POLR1A: variants seen among roughly 807,000 people sequenced by gnomAD.
The protein encoded by POLR1A is RNA polymerase I subunit A.
In POLR1A, 84 loss-of-function variants were observed where a neutral mutation model predicts 205.3. The ratio of observed to expected loss-of-function variants is 0.41; its 90% CI spans 0.34 to 0.49. The LOEUF is 0.49. Ranked by LOEUF, POLR1A falls within the 20% of genes least tolerant of loss-of-function variation. The probability of loss-of-function intolerance (pLI) is 0.22; values close to 1 mark genes in which losing one functional copy is unlikely to be tolerated. For missense variants in POLR1A, 1,645 were observed against 2,204.5 expected (o/e 0.75, Z 5.08); for synonymous variants, 799 against 863.7 (o/e 0.93, Z 1.31).
intron 3 of POLR1A, among the ~76,000 whole-genome samples, chr2:86,090,386 C>CAAAA (rs56810530): frequency 6.3e-5 from 6 of 94,596 alleles, no homozygotes; most frequent in African/African-American, 2.0e-4. Context: ...GACACCATCT[C>CAAAA]AAAAAAAAAA....
rs369593776 is a variant in POLR1A, at chr2:86,089,832, T to G, written c.530A>C (p.Gln177Pro). 1 of 1,601,502 alleles carries G rather than the reference T, an allele frequency of 6.2e-7. No homozygotes were observed. The highest frequency in any genetic ancestry group is 8.6e-7 in the Non-Finnish European group (1 of 1,168,420). Residue 177 changes from glutamine to proline, a missense_variant, in exon 4 of 34, where the codon CAG becomes CCG. By Grantham distance (76) the Gln-to-Pro change is moderately conservative. Around this residue, in one of 16 missense-constraint regions of POLR1A, gnomAD observed 330 missense variants for 375.6 expected, o/e 0.88. Coordinates refer to ENST00000263857, the MANE Select transcript of POLR1A (RefSeq NM_015425.6). Reference protein sequence around the residue: ...EIVQNNLLGSQGAHVKNVCES... With the variant: ...EIVQNNLLGSPGAHVKNVCES... Reference sequence around the variant, plus strand: ...ACAGTGTTAACTCACATGTGCGCCCTGGGACCCCAGGAGGTTGTTCTGCAC... The same window carrying G: ...ACAGTGTTAACTCACATGTGCGCCCGGGGACCCCAGGAGGTTGTTCTGCAC...
chr2:86,104,923 A>T (rs1673893637), intron 1 of POLR1A, among the ~76,000 whole-genome samples: 1 of 152,240 alleles, frequency 6.6e-6, no homozygotes, highest in African/African-American at 2.4e-5. Flanking sequence ...AAGTGGTGAG[A>T]TTGTCTAGGG....
chr2:86,041,588 C>T (rs968107039), intron 24 of POLR1A, among the ~76,000 whole-genome samples: 2 of 152,204 alleles, frequency 1.3e-5, no homozygotes, highest in Non-Finnish European at 2.9e-5. Flanking sequence ...CCCTGACTCT[C>T]AGTCAGCCCC....
In POLR1A at chr2:86,086,871, A is replaced by G. The variant is rs543050427; in HGVS notation, c.730+1695T>C. 1.2e-4 allele frequency among the ~76,000 whole-genome samples: 18 copies of G among 152,376 alleles called. No individual in the cohort carries two copies. The South Asian group carries it at 3.7e-3, about 32-fold the overall frequency. On this transcript the variant is annotated intron_variant, in intron 6 of 33. Transcript: ENST00000263857. ...AGGCATCCTAAGGGCTACAGAAGCA[A>G]TTCCCAACTGGTAATACAAGAAAAT... is the stretch of plus-strand genomic sequence containing the variant.
At chr2:86,091,600 T>C (rs540456614) in intron 3 of POLR1A, among the ~76,000 whole-genome samples, 50 of 152,314 alleles carry the variant, frequency 3.3e-4, no homozygotes, top group African/African-American at 1.2e-3. Flanking sequence ...TTTCTGTATA[T>C]ATTTTACAAA....
intron 3 of POLR1A, among the ~76,000 whole-genome samples, chr2:86,090,310 G>C (rs116035471): frequency 6.7e-6 from 1 of 149,254 alleles, no homozygotes; most frequent in African/African-American, 2.5e-5. Flanking sequence ...TGAGGAGATC[G>C]CTGGGAGGGG....
In POLR1A at chr2:86,064,817, G is replaced by C. The variant is rs58009603; in HGVS notation, c.2058+457C>G. 6.4e-3 allele frequency among the ~76,000 whole-genome samples: 971 copies of C among 151,584 alleles called. 24 individuals are homozygous for C. In the East Asian group the frequency reaches 0.098, roughly 15 times the overall value. Reference sequence around the variant, plus strand: ...TTGCCCAGGCAGGAGTGCAGTGGCTGATCCTGACTCACTACAACCTCCACC... The same window carrying C: ...TTGCCCAGGCAGGAGTGCAGTGGCTCATCCTGACTCACTACAACCTCCACC... On this transcript the variant is annotated intron_variant, in intron 14 of 33. Coordinates refer to ENST00000263857, the MANE Select transcript of POLR1A (RefSeq NM_015425.6).
At chr2:86,042,276 C>T (rs1252364438) in intron 23 of POLR1A, among the ~76,000 whole-genome samples, 173 bp from the exon 24 acceptor site, 1 of 152,204 alleles carries the variant, frequency 6.6e-6, no homozygotes, top group Non-Finnish European at 1.5e-5. Flanking sequence ...CTAGGGCACC[C>T]TGCTTGACTA....
chr2:86,044,405 C>G (rs547351992), intron 21 of POLR1A, 101 bp from the exon 22 acceptor site: 1 of 1,292,696 alleles, frequency 7.7e-7, no homozygotes, highest in Non-Finnish European at 1.1e-6. Flanking sequence ...AAGGGGGGCT[C>G]CTGTTCTGCA....
intron 27 of POLR1A, among the ~76,000 whole-genome samples, chr2:86,034,909 C>T (rs1205661647): frequency 6.6e-6 from 1 of 152,088 alleles, no homozygotes; most frequent in African/African-American, 2.4e-5. Context: ...GTCTCTCTAT[C>T]CCCCAGGCTG....
At chr2:86,043,252 T>C in intron 22 of POLR1A, 57 bp from the exon 23 acceptor site, 1 of 1,444,578 alleles carries the variant, frequency 6.9e-7, no homozygotes, top group South Asian at 1.2e-5. Flanking sequence ...ATCAAAGAGA[T>C]GAGGGCGTGA....
At chr2:86,040,328 A>G in intron 25 of POLR1A, 64 bp downstream of exon 25, 1 of 1,310,482 alleles carries the variant, frequency 7.6e-7, no homozygotes, top group Non-Finnish European at 1.0e-6. Flanking sequence ...CCCTCTCATT[A>G]AATGGCCCCT....
At chr2:86,054,607 G>A (rs1672863168) in intron 14 of POLR1A, among the ~76,000 whole-genome samples, 2 of 152,204 alleles carry the variant, frequency 1.3e-5, no homozygotes, top group South Asian at 4.1e-4. Flanking sequence ...ACCAAAGGAA[G>A]GAGAGGAAAA....
rs1264971770 is a variant in POLR1A at position 86,031,539 on chromosome 2, G to A, written c.4369C>T (p.Arg1457Ter). The part of the protein sequence containing the change: ...EERNPHREGA[R>*]KTQEQDEEVG... ...TCTTCATCTTGCTCTTGGGTCTTTC[G>A]AGCACCTTCCCTGTGGGGATTTCGT... The change falls in exon 30 of 34, where the codon CGA (arginine) becomes TGA (stop). Residue 1457 changes from arginine to a stop codon, truncating the protein, a stop_gained. Transcript: ENST00000263857. LOFTEE classifies it high-confidence loss of function. The A allele has an allele frequency of 2.5e-6, 4 of 1,614,006 alleles. No homozygotes were observed. Among genetic ancestry groups the A allele is most frequent in the Non-Finnish European group, 1.7e-6 (2 of 1,179,996 alleles).
chr2:86,045,200 C>T, intron 21 of POLR1A, 78 bp downstream of exon 21: 2 of 930,686 alleles, frequency 2.1e-6, no homozygotes, highest in East Asian at 2.4e-5. Flanking sequence ...CTTAAATGAG[C>T]TGCTGATATA....
chr2:86,077,893 A>G lies in POLR1A; in HGVS notation c.1346T>C (p.Met449Thr), dbSNP rs1673323936. 2 of 1,613,480 alleles carry G rather than the reference A, an allele frequency of 1.2e-6. No individual in the cohort carries two copies. The highest frequency in any genetic ancestry group is 2.2e-5 in the East Asian group (1 of 44,870). Residue 449 changes from methionine (M) to threonine (T), a missense_variant, in exon 11 of 34, where the codon ATG becomes ACG. Met to Thr is a moderately conservative substitution (Grantham distance 81). Around this residue, in one of 16 missense-constraint regions of POLR1A, gnomAD observed 131 missense variants for 214.5 expected, o/e 0.61. Coordinates refer to ENST00000263857, the MANE Select transcript of POLR1A (RefSeq NM_015425.6). ...TCCAATTTCGTTGGTGTTGATGTACATGTCTGGGCAGATGACTGAGCGCGC... is the reference window on the plus strand; with the variant it reads ...TCCAATTTCGTTGGTGTTGATGTACGTGTCTGGGCAGATGACTGAGCGCGC... ...YAARSVICPD[M>T]YINTNEIGIP...
At chr2:86,048,791 G>C (rs1451743468) in intron 18 of POLR1A, 93 bp downstream of exon 18, 2 of 1,153,208 alleles carry the variant, frequency 1.7e-6, no homozygotes, top group Non-Finnish European at 2.5e-6. Flanking sequence ...CAGCCAAGGT[G>C]CTCTGTAGGG....
intron 6 of POLR1A, among the ~76,000 whole-genome samples, chr2:86,085,025 G>C (rs908129959): frequency 1.3e-5 from 2 of 152,094 alleles, no homozygotes; most frequent in Non-Finnish European, 2.9e-5. Context: ...GCAGTGGCAC[G>C]ATCTTCGCTC....
intron 14 of POLR1A, among the ~76,000 whole-genome samples, chr2:86,057,205 T>G (rs956174222): frequency 6.6e-6 from 1 of 152,146 alleles, no homozygotes; most frequent in Non-Finnish European, 1.5e-5. Context: ...AACCCTTAAG[T>G]ATGACTTTCA....
Sources: allele counts gnomAD v4.1 joint callset (sites outside exome capture counted in the v4.1 genomes callset), GRCh38; gene constraint gnomAD v4.1.1; regional missense constraint gnomAD v4.1.1; transcripts MANE v1.5; gene names NCBI Gene and HGNC (gene_info 2026-07-23, HGNC 2026-07-21).